MCM3AP: variants seen among roughly 807,000 people sequenced by gnomAD.
MCM3AP encodes germinal-center associated nuclear protein.
In MCM3AP, 126 loss-of-function variants were observed where a neutral mutation model predicts 184.1. That is an observed-to-expected ratio of 0.68 (90% CI 0.59 to 0.79). MCM3AP has a LOEUF of 0.79. Ranked by LOEUF, MCM3AP falls within the 30% of genes least tolerant of loss-of-function variation. The pLI, the probability that MCM3AP is intolerant of heterozygous loss-of-function variation, is 0.00. For missense variants in MCM3AP, 2,496 were observed against 2,479.2 expected, an observed-to-expected ratio of 1.01 and a Z score of -0.14; for synonymous variants, 1,002 against 979.3, an observed-to-expected ratio of 1.02 and a Z score of -0.43.
In MCM3AP at chr21:46,243,485, G is replaced by C. The variant is rs201207310; in HGVS notation, c.5276C>G (p.Pro1759Arg). 2 of 1,611,886 alleles carry C rather than the reference G, an allele frequency of 1.2e-6. No individual in the cohort carries two copies. The highest frequency in any genetic ancestry group is 2.2e-5 in the East Asian group (1 of 44,860). Residue 1759 changes from proline to arginine, a missense_variant, in exon 24 of 28, where the codon CCC (proline) becomes CGC (arginine). Physicochemically the swap from Pro to Arg is moderately radical, Grantham distance 103. Transcript: ENST00000291688. ...ATTACCTGATGTAACAGGAAGCCGG[G>C]GGGGCGTCCAGTCTCTCAGCTTGTG... ...INHKLRDWTP[P>R]RLPVTSEALS...
chr21:46,273,883 G>C (rs75505199), intron 6 of MCM3AP, among the ~76,000 whole-genome samples: 2 of 152,200 alleles, frequency 1.3e-5, no homozygotes, highest in African/African-American at 4.8e-5. Flanking sequence ...ACGGGACAGG[G>C]AAGGGCCTCA....
chr21:46,267,206 C>T, intron 9 of MCM3AP, 64 bp from the exon 10 acceptor site: 2 of 1,504,626 alleles, frequency 1.3e-6, no homozygotes. Flanking sequence ...ATGCAGTCAG[C>T]CCATGACCAC....
chr21:46,236,799 G>A (rs1397547939), intron 27 of MCM3AP, 30 bp downstream of exon 27: 7 of 1,471,726 alleles, frequency 4.8e-6, no homozygotes, highest in Non-Finnish European at 4.5e-6. Flanking sequence ...TAATTCTTAT[G>A]TAAATGCCAA....
rs1282474385 is a variant in MCM3AP at position 46,264,122 on chromosome 21, G to A, written c.3330C>T (p.Ala1110=). Reference sequence around the variant, plus strand: ...GAGCACGAGATGCCACTCACCCCAGGGCGGCAGCTGCGTAGGCAGCACCCG... The same window carrying A: ...GAGCACGAGATGCCACTCACCCCAGAGCGGCAGCTGCGTAGGCAGCACCCG... The part of the protein sequence containing the change: ...GSAGAAYAAA[A]LGVSNAAMED... The change falls in exon 13 of 28, where the codon GCC becomes GCT. Residue 1110 remains alanine, a synonymous_variant. Coordinates refer to ENST00000291688, the MANE Select transcript of MCM3AP (RefSeq NM_003906.5). 5 of 1,611,816 alleles carry A rather than the reference G, an allele frequency of 3.1e-6. No homozygotes were observed. The highest frequency in any genetic ancestry group is 4.2e-6 in the Non-Finnish European group (5 of 1,178,302).
Position 46,243,578 on chromosome 21 carries a change from G to A in MCM3AP, c.5183C>T (p.Pro1728Leu), listed in dbSNP as rs1199123556. The A allele has an allele frequency of 6.2e-7, 1 of 1,614,222 alleles. No individual in the cohort carries two copies. The highest frequency in any genetic ancestry group is 1.3e-5 in the African/African-American group (1 of 75,056). Residue 1728 changes from proline (P) to leucine (L), a missense_variant, in exon 24 of 28, where the codon CCA becomes CTA. Coordinates refer to ENST00000291688, the MANE Select transcript of MCM3AP (RefSeq NM_003906.5). ...YCRWKSKSPS[P>L]VHGAGPSVME... ...GACCGAGGGGCCTGCCCCATGGACT[G>A]GGGAGGGACTCTTGCTCTTCCACCT...
chr21:46,274,435 T>G (rs2081229040), intron 6 of MCM3AP, among the ~76,000 whole-genome samples: 1 of 152,212 alleles, frequency 6.6e-6, no homozygotes, highest in South Asian at 2.1e-4. Flanking sequence ...AAGCAGCCTA[T>G]CTACTAATGG....
upstream of MCM3AP, chr21:46,286,087 G>A (rs980049287): frequency 2.0e-5 from 3 of 152,348 alleles, no homozygotes; most frequent in Non-Finnish European, 2.9e-5. Context: ...GGAGGCCCGG[G>A]CGCGCGGAGC....
rs769211523 is a variant in MCM3AP, at chr21:46,285,200, C to T, written c.87G>A (p.Pro29=). The part of the protein sequence containing the change: ...SSNVGTLPSK[P]PFRFGQPSLF... Reference sequence around the variant, plus strand: ...GAGAAGGTTGACCAAATCGAAATGGCGGCTTAGATGGAAGTGTTCCTACAT... The same window carrying T: ...GAGAAGGTTGACCAAATCGAAATGGTGGCTTAGATGGAAGTGTTCCTACAT... The change falls in exon 1 of 28, where the codon CCG becomes CCA. Residue 29 remains proline, a synonymous_variant. Transcript: ENST00000291688. 4 of 1,614,070 alleles carry T rather than the reference C, an allele frequency of 2.5e-6. No homozygotes were observed. The highest frequency in any genetic ancestry group is 2.2e-5 in the East Asian group (1 of 44,904).
chr21:46,256,585 A>T (rs2080952803), intron 17 of MCM3AP: 1 of 612,184 alleles, frequency 1.6e-6, no homozygotes, highest in Non-Finnish European at 2.8e-6. Flanking sequence ...CTGCTTTGCC[A>T]GTGGAACAAG....
At chr21:46,249,146 A>G (rs1248628183) in intron 20 of MCM3AP, among the ~76,000 whole-genome samples, 2 of 152,186 alleles carry the variant, frequency 1.3e-5, no homozygotes, top group Admixed American at 6.5e-5. Flanking sequence ...GGAATGGTAC[A>G]GCAACAATGG....
chr21:46,274,852 T>C (rs949953286), intron 6 of MCM3AP, among the ~76,000 whole-genome samples: 4 of 143,410 alleles, frequency 2.8e-5, no homozygotes, highest in South Asian at 2.2e-4. Flanking sequence ...GAGGAGAGGA[T>C]CACCTGAGCC....
chr21:46,266,416 C>T (rs1027279523), intron 10 of MCM3AP: 5 of 374,214 alleles, frequency 1.3e-5, no homozygotes, highest in Non-Finnish European at 1.9e-5. Context: ...CACCCAAAAC[C>T]GTCTAATTTT....
Position 46,245,198 on chromosome 21 carries a change from CT to C in MCM3AP, c.4648-2del, listed in dbSNP as rs1164577181. The C allele has an allele frequency of 6.3e-7, 1 of 1,576,902 alleles. No individual in the cohort carries two copies. Among genetic ancestry groups the C allele is most frequent in the Admixed American group, 1.9e-5 (1 of 52,058 alleles). ...CCAGCCACTGCACTGCTTGCAAAAC[CT>C]GAGAAGAAAGAAGAGACTTGGTTGA... On this transcript the variant is annotated splice_acceptor_variant, in intron 22 of 27. Transcript: ENST00000291688. LOFTEE classifies it high-confidence loss of function.
At chr21:46,251,377 A>C in intron 20 of MCM3AP, 152 bp downstream of exon 20, 1 of 548,414 alleles carries the variant, frequency 1.8e-6, no homozygotes, top group Non-Finnish European at 3.0e-6. Flanking sequence ...TTTAAACGAC[A>C]TGTACGGACA....
rs1346972401 is a variant in MCM3AP, at chr21:46,243,616, G to A, written c.5145C>T (p.His1715=). 7 of 1,614,136 alleles carry A rather than the reference G, an allele frequency of 4.3e-6. No homozygotes were observed. Among genetic ancestry groups the A allele is most frequent in the Non-Finnish European group, 5.1e-6 (6 of 1,180,060 alleles). ...TGCTCTTCCACCTACAGTAGGTTCT[G>A]TGGAGCAGGTTCTCCACCTGGGACT... ...VLQSQVENLL[H]RTYCRWKSKS... Residue 1715 remains histidine, a synonymous_variant, in exon 24 of 28, where the codon CAC becomes CAT. Coordinates refer to ENST00000291688, the MANE Select transcript of MCM3AP (RefSeq NM_003906.5).
At position 46,284,474 on chromosome 21, in the gene MCM3AP, C is replaced by A; in HGVS notation, c.813G>T (p.Arg271Ser). 1 of 1,614,176 alleles carries A rather than the reference C, an allele frequency of 6.2e-7. No individual in the cohort carries two copies. Among genetic ancestry groups the A allele is most frequent in the Non-Finnish European group, 8.5e-7 (1 of 1,180,034 alleles). ...GGGAAACAGCTTCTTCACACCCCTG[C>A]CTGACACCTGCTTTGCTAGCCTGGA... ...EPFQASKAGV[R>S]QGCEEAVSQV... The change falls in exon 1 of 28, where the codon AGG becomes AGT. Residue 271 changes from arginine to serine, a missense_variant. Transcript: ENST00000291688.
At chr21:46,247,870 CAGG>C (rs1157467482) in intron 20 of MCM3AP, among the ~76,000 whole-genome samples, 1 of 151,838 alleles carries the variant, frequency 6.6e-6, no homozygotes, top group Non-Finnish European at 1.5e-5. Flanking sequence ...GAGGCCAAGG[CAGG>C]AGAACTGTTT....
In MCM3AP at chr21:46,258,937, A is replaced by G; in HGVS notation, c.3734+2T>C. On this transcript the variant is annotated splice_donor_variant, in intron 16 of 27. Coordinates refer to ENST00000291688, the MANE Select transcript of MCM3AP (RefSeq NM_003906.5). LOFTEE classifies it high-confidence loss of function. ...TTTTGCCTGTAGGAACACAGGACTC[A>G]CCGCTGTAGATACTTGCAGAAGCAC... 6.2e-7 allele frequency: 1 copy of G among 1,614,112 alleles called. No individual in the cohort carries two copies. Among genetic ancestry groups the G allele is most frequent in the Non-Finnish European group, 8.5e-7 (1 of 1,180,006 alleles).
chr21:46,281,320 G>C (rs1436815137), intron 2 of MCM3AP, among the ~76,000 whole-genome samples: 4 of 152,178 alleles, frequency 2.6e-5, no homozygotes, highest in African/African-American at 4.8e-5. Context: ...TCTCCGTGTA[G>C]ATACACTCAT....
Sources: gnomAD v4.1 joint callset for allele counts (sites outside exome capture counted in the v4.1 genomes callset) on GRCh38, gnomAD v4.1.1 for gene constraint, MANE v1.5 for transcripts, NCBI Gene and HGNC (gene_info 2026-07-23, HGNC 2026-07-21) for gene names.